SLC13A1: variants seen among roughly 807,000 people sequenced by gnomAD.
SLC13A1 encodes the protein solute carrier family 13 member 1.
Under a neutral mutation model 70.0 loss-of-function variants are expected in SLC13A1, and 65 were observed. That is an observed-to-expected ratio of 0.93 (90% CI 0.76 to 1.14). SLC13A1 has a LOEUF of 1.14. Ranked by LOEUF, SLC13A1 falls within the 50% of genes most tolerant of loss-of-function variation. The pLI is 0.00. For missense variants in SLC13A1, 726 were observed against 717.8 expected, an observed-to-expected ratio of 1.01 and a Z score of -0.13; for synonymous variants, 275 against 250.5, an observed-to-expected ratio of 1.10 and a Z score of -0.92.
chr7:123,184,125 T>C (rs996365098), intron 1 of SLC13A1, among the ~76,000 whole-genome samples: 1 of 151,902 alleles, frequency 6.6e-6, no homozygotes, highest in Non-Finnish European at 1.5e-5. Context: ...CTGAATGCTA[T>C]TTTTTTATCC....
chr7:123,157,758 C>A (rs774512080), intron 6 of SLC13A1, among the ~76,000 whole-genome samples: 5 of 152,072 alleles, frequency 3.3e-5, no homozygotes, highest in Non-Finnish European at 7.4e-5. Flanking sequence ...GTGCAACAAT[C>A]ATTTTAAAGC....
chr7:123,125,782 A>G (rs778846772), intron 10 of SLC13A1, 107 bp from the exon 11 acceptor site: 1 of 739,454 alleles, frequency 1.4e-6, no homozygotes, highest in Non-Finnish European at 2.4e-6. Flanking sequence ...TATCAGTAGT[A>G]GGTGGTGTAG....
At chr7:123,157,750 G>T (rs1168309560) in intron 6 of SLC13A1, among the ~76,000 whole-genome samples, 3 of 152,040 alleles carry the variant, frequency 2.0e-5, no homozygotes, top group African/African-American at 7.2e-5. Flanking sequence ...CTTTTAAAGT[G>T]CAACAATCAT....
chr7:123,130,324 T>C (rs1793712363), intron 8 of SLC13A1, among the ~76,000 whole-genome samples: 1 of 152,268 alleles, frequency 6.6e-6, no homozygotes, highest in Non-Finnish European at 1.5e-5. Flanking sequence ...CAAATTCCCA[T>C]CAATGATAGA....
Position 123,114,790 on chromosome 7 carries a change from T to G in SLC13A1, c.*728A>C, listed in dbSNP as rs1793125554. ...AAGCCTTATCCATAGCTCTACAAAA[T>G]GAATTTCTCAGTGTGCCAATATCAT... On this transcript the variant is annotated 3_prime_UTR_variant, in exon 15 of 15. Coordinates refer to ENST00000194130, the MANE Select transcript of SLC13A1 (RefSeq NM_022444.4). 6.6e-6 allele frequency: 1 copy of G among 152,210 alleles called. No individual in the cohort carries two copies. Among genetic ancestry groups the G allele is most frequent in the African/African-American group, 2.4e-5 (1 of 41,456 alleles). The allele number at this position is 152,210 out of a possible 1,614,324, so 9.4% of individuals were successfully genotyped here.
chr7:123,143,006 T>G (rs1169707170), intron 7 of SLC13A1, among the ~76,000 whole-genome samples: 5 of 152,030 alleles, frequency 3.3e-5, no homozygotes, highest in Admixed American at 2.6e-4. Flanking sequence ...GCCCAGGGTG[T>G]GTCTAGAAAT....
intron 1 of SLC13A1, chr7:123,190,460 G>T (rs1281460469): frequency 1.2e-5 from 5 of 421,092 alleles, no homozygotes; most frequent in South Asian, 8.6e-5. Flanking sequence ...TAACTCACCT[G>T]GGCTGAGTAC....
At chr7:123,198,272 A>T (rs1261602465) in intron 1 of SLC13A1, among the ~76,000 whole-genome samples, 1 of 147,210 alleles carries the variant, frequency 6.8e-6, no homozygotes, top group Non-Finnish European at 1.5e-5. Flanking sequence ...CCAGAGATTC[A>T]TATAGGAGAC....
At chr7:123,147,537 C>CCTCTCTCTCTCTCTCT (rs112153839) in intron 6 of SLC13A1, among the ~76,000 whole-genome samples, 7 of 147,856 alleles carry the variant, frequency 4.7e-5, no homozygotes, top group African/African-American at 1.7e-4. Context: ...GAGCTTGATT[C>CCTCTCTCTCTCTCTCT]CTCTCTCTCT....
intron 7 of SLC13A1, among the ~76,000 whole-genome samples, chr7:123,142,024 A>T (rs1328744107): frequency 6.6e-6 from 1 of 152,002 alleles, no homozygotes; most frequent in Non-Finnish European, 1.5e-5. Flanking sequence ...ACTTCCTTCA[A>T]TAAAAGGAAG....
chr7:123,189,286 C>T (rs111497498), intron 1 of SLC13A1, among the ~76,000 whole-genome samples: 2,036 of 151,640 alleles, frequency 0.013, 43 homozygotes, highest in African/African-American at 0.046. Flanking sequence ...ATTGAATGAG[C>T]TCATTTTTGC....
chr7:123,194,265 G>A (rs1796100431), intron 1 of SLC13A1, among the ~76,000 whole-genome samples: 1 of 152,096 alleles, frequency 6.6e-6, no homozygotes, highest in African/African-American at 2.4e-5. Context: ...GGTGAGGTAA[G>A]AGGAGATGGC....
chr7:123,168,076 T>A (rs1231098058), intron 6 of SLC13A1, among the ~76,000 whole-genome samples: 2 of 152,162 alleles, frequency 1.3e-5, no homozygotes, highest in Non-Finnish European at 2.9e-5. Flanking sequence ...TGAAGCAATA[T>A]TCTGAGACTG....
rs1793316840 is a variant in SLC13A1, at chr7:123,119,894, C to G, written c.1351-652G>C. Among the ~76,000 whole-genome samples, 4 of 152,080 alleles carry G rather than the reference C, an allele frequency of 2.6e-5. No homozygotes were observed. The South Asian group carries it at 8.3e-4, about 32-fold the overall frequency. ...TAAATAAATATTGTTCATAGCTACA[C>G]CACTTAGCATACTATCAGTGCGTTT... is the stretch of plus-strand genomic sequence containing the variant. On this transcript the variant is annotated intron_variant, in intron 12 of 14. Transcript: ENST00000194130.
intron 1 of SLC13A1, among the ~76,000 whole-genome samples, chr7:123,181,405 C>T (rs1425765617): frequency 6.6e-6 from 1 of 152,108 alleles, no homozygotes; most frequent in Non-Finnish European, 1.5e-5. Context: ...GATGTTTCTA[C>T]TCACTTTCCT....
intron 1 of SLC13A1, among the ~76,000 whole-genome samples, chr7:123,195,254 G>C (rs1222299460): frequency 6.6e-6 from 1 of 151,756 alleles, no homozygotes; most frequent in Non-Finnish European, 1.5e-5. Flanking sequence ...CATCATTTCT[G>C]CATTCTTTGG....
chr7:123,198,090 G>A (rs138984366), intron 1 of SLC13A1, among the ~76,000 whole-genome samples: 1 of 152,052 alleles, frequency 6.6e-6, no homozygotes, highest in Non-Finnish European at 1.5e-5. Context: ...CAGGTATGAA[G>A]CAGGATATGG....
rs151167581 is a variant in SLC13A1 at position 123,134,484 on chromosome 7, C to T, written c.858G>A (p.Thr286=). The part of the protein sequence containing the change: ...CRCLNFGSWF[T]FSFPAALIIL... ...TGATAAGGGCAGCTGGGAAGGAAAA[C>T]GTAAACCATGATCCAAAGTTGAGGC... Residue 286 remains threonine, a synonymous_variant, in exon 8 of 15, where the codon ACG becomes ACA. Transcript: ENST00000194130. 3.3e-5 allele frequency: 54 copies of T among 1,613,206 alleles called. No individual in the cohort carries two copies. In the African/African-American group the frequency reaches 6.5e-4, roughly 20 times the overall value.
intron 7 of SLC13A1, among the ~76,000 whole-genome samples, chr7:123,146,633 T>C (rs752683661): frequency 1.2e-4 from 19 of 152,238 alleles, no homozygotes; most frequent in Non-Finnish European, 2.2e-4. Context: ...AATGGAATTG[T>C]CATCACAGTT....
Sources: allele counts gnomAD v4.1 joint callset (sites outside exome capture counted in the v4.1 genomes callset), GRCh38; gene constraint gnomAD v4.1.1; transcripts MANE v1.5; gene names NCBI Gene and HGNC (gene_info 2026-07-23, HGNC 2026-07-21).